PIP4P2: variants seen among roughly 807,000 people sequenced by gnomAD.
PIP4P2 encodes type 2 phosphatidylinositol 4,5-bisphosphate 4-phosphatase.
A neutral mutation model predicts 33.3 loss-of-function variants in PIP4P2; 19 were observed. The ratio of observed to expected loss-of-function variants is 0.57; its 90% confidence interval spans 0.40 to 0.84. The LOEUF is 0.84. Ranked by LOEUF, PIP4P2 falls within the 40% of genes least tolerant of loss-of-function variation. PIP4P2 has a pLI of 0.00. For missense variants in PIP4P2, 270 were observed against 324.7 expected (o/e 0.83, Z 1.29); for synonymous variants, 110 against 111.9 (o/e 0.98, Z 0.11).
intron 1 of PIP4P2, among the ~76,000 whole-genome samples, chr8:91,028,004 G>A (rs1293014307): frequency 6.6e-6 from 1 of 152,184 alleles, no homozygotes; most frequent in East Asian, 1.9e-4. Flanking sequence ...ATTGAGATGT[G>A]CTGCCTGATT....
chr8:91,016,287 A>G (rs1393588970), intron 4 of PIP4P2, among the ~76,000 whole-genome samples: 1 of 151,222 alleles, frequency 6.6e-6, no homozygotes, highest in Non-Finnish European at 1.5e-5. Context: ...ACTAAATAAT[A>G]TGAAAAAACA....
Position 90,995,520 on chromosome 8 carries a change from G to T in PIP4P2, c.*157C>A. On this transcript the variant is annotated 3_prime_UTR_variant, in exon 7 of 7. Coordinates refer to ENST00000285419, the MANE Select transcript of PIP4P2 (RefSeq NM_018710.3). ...CAAAACAATTTGCATATAATATAGTGCAATGAGCATTTGTTCATAAAAGAC... is the reference window on the plus strand; with the variant it reads ...CAAAACAATTTGCATATAATATAGTTCAATGAGCATTTGTTCATAAAAGAC... The T allele has an allele frequency of 1.2e-6, 1 of 828,484 alleles. No individual in the cohort carries two copies. The highest frequency in any genetic ancestry group is 1.7e-6 in the Non-Finnish European group (1 of 591,796). 51.3% of individuals were successfully genotyped at this position (828,484 alleles called of 1,614,324 possible).
At chr8:91,013,833 C>A (rs1811872289) in intron 4 of PIP4P2, among the ~76,000 whole-genome samples, 1 of 152,134 alleles carries the variant, frequency 6.6e-6, no homozygotes, top group South Asian at 2.1e-4. Context: ...CCATGCCCAG[C>A]CTATAGTGAC....
At chr8:91,029,819 T>C (rs920436623) in intron 1 of PIP4P2, among the ~76,000 whole-genome samples, 1 of 151,916 alleles carries the variant, frequency 6.6e-6, no homozygotes, top group South Asian at 2.1e-4. Flanking sequence ...TACAAAGAAT[T>C]AGCCGGGCGT....
intron 1 of PIP4P2, among the ~76,000 whole-genome samples, chr8:91,039,019 C>CCGG (rs771916589): frequency 2.3e-4 from 35 of 152,268 alleles, no homozygotes; most frequent in African/African-American, 7.9e-4. Context: ...TGTCTATAAG[C>CCGG]TGATCCCTGA....
rs1420721967 is a variant in PIP4P2 at position 91,034,750 on chromosome 8, G to T, written c.106+5894C>A. On this transcript the variant is annotated intron_variant, in intron 1 of 6. Coordinates refer to ENST00000285419, the MANE Select transcript of PIP4P2 (RefSeq NM_018710.3). ...GAGAATTTAATCTAGTCTTACAATG[G>T]GTTGTGCATGTGGTAAGAGTCCCTG... Among the ~76,000 whole-genome samples, 6 of 152,230 alleles carry T rather than the reference G, an allele frequency of 3.9e-5. No homozygotes were observed. In the East Asian group the frequency reaches 1.2e-3, roughly 29 times the overall value.
At chr8:91,025,703 G>A (rs937791716) in intron 1 of PIP4P2, among the ~76,000 whole-genome samples, 5 of 152,134 alleles carry the variant, frequency 3.3e-5, no homozygotes, top group African/African-American at 1.2e-4. Context: ...ATTATAAGAG[G>A]AGCAAGAAAA....
chr8:91,003,505 G>A (rs1487024887), intron 5 of PIP4P2, among the ~76,000 whole-genome samples: 1 of 152,024 alleles, frequency 6.6e-6, no homozygotes, highest in Non-Finnish European at 1.5e-5. Context: ...TCTTTTTCTA[G>A]AAATAATGTA....
At chr8:91,038,586 G>A (rs1812264531) in intron 1 of PIP4P2, among the ~76,000 whole-genome samples, 1 of 152,120 alleles carries the variant, frequency 6.6e-6, no homozygotes, top group Non-Finnish European at 1.5e-5. Flanking sequence ...TGTTCCCCTA[G>A]AGCAGTGTAT....
chr8:91,025,895 G>A (rs1434306447), intron 1 of PIP4P2, among the ~76,000 whole-genome samples: 1 of 152,100 alleles, frequency 6.6e-6, no homozygotes, highest in Non-Finnish European at 1.5e-5. Context: ...CAGAGCAAAC[G>A]AAGACCACTT....
chr8:91,018,356 T>C (rs1481971451), intron 4 of PIP4P2, 34 bp downstream of exon 4: 2 of 1,613,458 alleles, frequency 1.2e-6, no homozygotes, highest in Non-Finnish European at 1.7e-6. Context: ...ATGACCTATA[T>C]TTACAGATTA....
At chr8:91,039,556 A>T (rs1301599130) in intron 1 of PIP4P2, among the ~76,000 whole-genome samples, 1 of 152,232 alleles carries the variant, frequency 6.6e-6, no homozygotes, top group Non-Finnish European at 1.5e-5. Flanking sequence ...CTTGTATTAC[A>T]AGAAACATTA....
chr8:91,031,502 G>C (rs577644437), intron 1 of PIP4P2, among the ~76,000 whole-genome samples: 1 of 152,074 alleles, frequency 6.6e-6, no homozygotes, highest in African/African-American at 2.4e-5. Flanking sequence ...CAAAAAATTC[G>C]GGGCTTTCTT....
intron 5 of PIP4P2, among the ~76,000 whole-genome samples, chr8:91,004,834 G>A (rs765481306): frequency 1.3e-5 from 2 of 152,150 alleles, no homozygotes; most frequent in Non-Finnish European, 2.9e-5. Flanking sequence ...TTCATTGGAT[G>A]AGACCTGGAG....
chr8:91,021,368 G>A lies in PIP4P2; in HGVS notation c.143C>T (p.Pro48Leu). 1 of 1,613,794 alleles carries A rather than the reference G, an allele frequency of 6.2e-7. No individual in the cohort carries two copies. Among genetic ancestry groups the A allele is most frequent in the Non-Finnish European group, 8.5e-7 (1 of 1,179,796 alleles). The change falls in exon 2 of 7, where the codon CCA becomes CTA. Residue 48 changes from proline (P) to leucine (L), a missense_variant. Pro to Leu is a moderately conservative substitution (Grantham distance 98, BLOSUM62 -3). Coordinates refer to ENST00000285419, the MANE Select transcript of PIP4P2 (RefSeq NM_018710.3). ...TATTACTGGAATACCACTGGCGTCT[G>A]GACTGGCAATGGCTGTATATGGAGG... ...LPPPYTAIASPDASGIPVINC... is the reference protein window; with the variant it reads ...LPPPYTAIASLDASGIPVINC...
At position 91,040,697 on chromosome 8, in the gene PIP4P2, G is replaced by C. The variant is rs200764354; in HGVS notation, c.53C>G (p.Ser18Cys). 1.2e-6 allele frequency: 2 copies of C among 1,613,298 alleles called. No individual in the cohort carries two copies. Among genetic ancestry groups the C allele is most frequent in the East Asian group, 4.5e-5 (2 of 44,882 alleles). Residue 18 changes from serine (S) to cysteine (C), a missense_variant, in exon 1 of 7, where the codon TCC becomes TGC. Coordinates refer to ENST00000285419, the MANE Select transcript of PIP4P2 (RefSeq NM_018710.3). ...TGGGGCGGTGGGAGTGACATTTCCG[G>C]AGTGGGATGCTGACAGCAGAGGCGA... ...ERSPLLSASH[S>C]GNVTPTAPPY...
chr8:91,037,799 G>GA (rs542797595), intron 1 of PIP4P2, among the ~76,000 whole-genome samples: 116 of 152,062 alleles, frequency 7.6e-4, no homozygotes, highest in African/African-American at 2.1e-3. Context: ...AATTTTCACA[G>GA]AAAAAATCTT....
rs539499848 is a variant in PIP4P2 at position 90,998,496 on chromosome 8, T to C, written c.540-1752A>G. 1.9e-3 allele frequency among the ~76,000 whole-genome samples: 282 copies of C among 152,168 alleles called. 2 individuals carry two copies. Among genetic ancestry groups the C allele is most frequent in the African/African-American group, 6.2e-3 (259 of 41,564 alleles). ...AAGCACTTATTAATCATAAAATCTC[T>C]TACATATTTAGTACATATGTGGTAT... On this transcript the variant is annotated intron_variant, in intron 5 of 6. Coordinates refer to ENST00000285419, the MANE Select transcript of PIP4P2 (RefSeq NM_018710.3).
chr8:91,002,275 G>C (rs1214084405), intron 5 of PIP4P2, among the ~76,000 whole-genome samples: 1 of 152,086 alleles, frequency 6.6e-6, no homozygotes, highest in Non-Finnish European at 1.5e-5. Flanking sequence ...GATTTTTACA[G>C]CTAATTGGTT....
Sources: gnomAD v4.1 joint callset for allele counts (sites outside exome capture counted in the v4.1 genomes callset) on GRCh38, gnomAD v4.1.1 for gene constraint, MANE v1.5 for transcripts, NCBI Gene and HGNC (gene_info 2026-07-23, HGNC 2026-07-21) for gene names.